Variants in KIF26A observed in about 807,000 individuals in gnomAD.
KIF26A encodes kinesin-like protein KIF26A.
In KIF26A, 74 loss-of-function variants were observed where a neutral mutation model predicts 126.0. The observed-to-expected ratio is 0.59, with a 90% confidence interval of 0.49 to 0.71. The LOEUF is 0.71. KIF26A is among the 30% of genes least tolerant of loss of function. The probability of loss-of-function intolerance (pLI) is 0.00; values close to 1 mark genes in which losing one functional copy is unlikely to be tolerated. For synonymous variants in KIF26A, 1,445 were observed against 1,232.7 expected (o/e 1.17, Z -3.61); for missense variants, 2,984 against 2,763.3 (o/e 1.08, Z -1.79).
At chr14:104,142,364 A>T (rs992157266) in intron 2 of KIF26A, among the ~76,000 whole-genome samples, 8 of 151,286 alleles carry the variant, frequency 5.3e-5, no homozygotes, top group African/African-American at 1.9e-4. Flanking sequence ...CTCTGCTCTC[A>T]CCAGGGTCCT....
In KIF26A at chr14:104,157,743, C is replaced by T. The variant is rs962581253; in HGVS notation, c.736-12C>T. On this transcript the variant is annotated splice_polypyrimidine_tract_variant and intron_variant, in intron 3 of 14. Coordinates refer to ENST00000423312, the MANE Select transcript of KIF26A (RefSeq NM_015656.2). The stretch of plus-strand genomic sequence containing the variant: ...CTTGCGTTCCTTATACGCACTCTCT[C>T]CTTCCCTCCAGGCCGAGGCAGCGGT... 1.2e-6 allele frequency: 2 copies of T among 1,609,312 alleles called. No homozygotes were observed. Among genetic ancestry groups the T allele is most frequent in the African/African-American group, 1.3e-5 (1 of 74,874 alleles).
chr14:104,168,027 G>A (rs1430718245), intron 5 of KIF26A, among the ~76,000 whole-genome samples: 3 of 152,108 alleles, frequency 2.0e-5, no homozygotes, highest in Non-Finnish European at 2.9e-5. Flanking sequence ...CTGGGCCTGG[G>A]GGTGCCACAG....
rs978707341 is a variant in KIF26A, at chr14:104,148,105, C to T, written c.289-3910C>T. Among the ~76,000 whole-genome samples the T allele has an allele frequency of 6.6e-6, 1 of 152,188 alleles. No homozygotes were observed. The highest frequency in any genetic ancestry group is 2.4e-5 in the African/African-American group (1 of 41,440). ...GCTTGGCTGGAGTGGGGAGACTTCTCTCCTGCAGTGACGGGGAGCGGGGAG... is the reference window on the plus strand; with the variant it reads ...GCTTGGCTGGAGTGGGGAGACTTCTTTCCTGCAGTGACGGGGAGCGGGGAG... On this transcript the variant is annotated intron_variant, in intron 2 of 14. Transcript: ENST00000423312. This position sits in a 1 kb window ranked among gnomAD's most constrained non-coding sequence, Gnocchi z 4.3.
At position 104,175,015 on chromosome 14, in the gene KIF26A, T is replaced by C. The variant is rs760755264; in HGVS notation, c.2227T>C (p.Cys743Arg). ...ASSSSGGESSCEEGRARRPPH... is the reference protein window; with the variant it reads ...ASSSSGGESSREEGRARRPPH... ...CAGCTCCTCTGGCGGGGAGAGCTCC[T>C]GTGAGGAAGGCCGGGCCCGTCGGCC... Residue 743 changes from cysteine to arginine, a missense_variant, in exon 12 of 15, where the codon TGT becomes CGT. By Grantham distance (180) the Cys-to-Arg change is radical (BLOSUM62 -3). Coordinates refer to ENST00000423312, the MANE Select transcript of KIF26A (RefSeq NM_015656.2). The C allele has an allele frequency of 3.2e-6, 5 of 1,556,264 alleles. No individual in the cohort carries two copies. The South Asian group carries it at 4.7e-5, about 15-fold the overall frequency.
chr14:104,165,209 C>G (rs111206890), intron 4 of KIF26A, among the ~76,000 whole-genome samples: 5 of 135,864 alleles, frequency 3.7e-5, no homozygotes, highest in Admixed American at 7.2e-5. Context: ...GTGTCTGTGT[C>G]TCTGCATGTG....
chr14:104,141,335 TC>T (rs1651422623), intron 2 of KIF26A, among the ~76,000 whole-genome samples: 1 of 152,246 alleles, frequency 6.6e-6, no homozygotes, highest in Non-Finnish European at 1.5e-5. Context: ...GGGGCCCGTT[TC>T]GTATTTTTTA....
intron 12 of KIF26A, 67 bp from the exon 13 acceptor site, chr14:104,178,483 C>T: frequency 3.2e-6 from 4 of 1,234,412 alleles, no homozygotes; most frequent in Non-Finnish European, 3.2e-6. Context: ...TCCGCAGCGT[C>T]CCCGCAGGGG....
chr14:104,153,740 G>A (rs11622651), intron 3 of KIF26A, among the ~76,000 whole-genome samples: 48,125 of 151,528 alleles, frequency 0.32, 8,464 homozygotes, highest in African/African-American at 0.45. Context: ...GGCCTGTGTG[G>A]AAGCATCAGG....
rs1015860112 is a variant in KIF26A, at chr14:104,176,959, G to C, written c.4171G>C (p.Gly1391Arg). Residue 1391 changes from glycine (G) to arginine (R), a missense_variant, in exon 12 of 15, where the codon GGG becomes CGG. Transcript: ENST00000423312. Reference sequence around the variant, plus strand: ...GCATGCTGTGAACCCGGCGCGGGTCGGGGCTGCTGCTGTCCTTCGAGGGGA... The same window carrying C: ...GCATGCTGTGAACCCGGCGCGGGTCCGGGCTGCTGCTGTCCTTCGAGGGGA... ...PPHAVNPARVGAAAVLRGEEE... is the reference protein window; with the variant it reads ...PPHAVNPARVRAAAVLRGEEE... 1 of 1,534,888 alleles carries C rather than the reference G, an allele frequency of 6.5e-7. No homozygotes were observed. The highest frequency in any genetic ancestry group is 1.4e-5 in the African/African-American group (1 of 72,980).
chr14:104,143,945 G>T (rs1389656055), intron 2 of KIF26A, among the ~76,000 whole-genome samples: 8 of 152,238 alleles, frequency 5.3e-5, no homozygotes, highest in African/African-American at 1.9e-4. Flanking sequence ...TACCAGGAAG[G>T]GCTCTGCTCG....
intron 5 of KIF26A, among the ~76,000 whole-genome samples, chr14:104,168,036 A>G (rs2037923412): frequency 6.6e-6 from 1 of 152,176 alleles, no homozygotes; most frequent in Admixed American, 6.5e-5. Flanking sequence ...GGGGTGCCAC[A>G]GGCCTCTCCC....
chr14:104,175,105 C>T lies in KIF26A; in HGVS notation c.2317C>T (p.Leu773=). 2 of 1,604,382 alleles carry T rather than the reference C, an allele frequency of 1.2e-6. No individual in the cohort carries two copies. Among genetic ancestry groups the T allele is most frequent in the African/African-American group, 2.7e-5 (2 of 74,902 alleles). The change falls in exon 12 of 15, where the codon CTG becomes TTG. Residue 773 remains leucine (L), a synonymous_variant. Transcript: ENST00000423312. The part of the protein sequence containing the change: ...ALDPDRTPPC[L]PGDPDYSSSS... ...GGACCCCGACCGCACGCCTCCCTGCCTGCCCGGTGACCCCGATTACTCCTC... is the reference window on the plus strand; with the variant it reads ...GGACCCCGACCGCACGCCTCCCTGCTTGCCCGGTGACCCCGATTACTCCTC...
At chr14:104,171,023 C>T (rs1299410117) in intron 5 of KIF26A, among the ~76,000 whole-genome samples, 1 of 152,282 alleles carries the variant, frequency 6.6e-6, no homozygotes, top group Non-Finnish European at 1.5e-5. Flanking sequence ...GCCTGCCCCC[C>T]AGCCTCAGTC....
At chr14:104,160,951 C>T (rs1000051232) in intron 4 of KIF26A, among the ~76,000 whole-genome samples, 5 of 152,240 alleles carry the variant, frequency 3.3e-5, no homozygotes, top group South Asian at 2.1e-4. Flanking sequence ...GCAGAGCCCC[C>T]GTGTCAGCCT....
At chr14:104,143,306 G>T (rs1484674012) in intron 2 of KIF26A, among the ~76,000 whole-genome samples, 4 of 152,214 alleles carry the variant, frequency 2.6e-5, no homozygotes, top group Non-Finnish European at 4.4e-5. Context: ...CGAAGCTCCG[G>T]GTGGCCCCTG....
chr14:104,144,765 C>T (rs1046623404), intron 2 of KIF26A, among the ~76,000 whole-genome samples: 8 of 152,192 alleles, frequency 5.3e-5, no homozygotes, highest in African/African-American at 1.9e-4. Flanking sequence ...TTGTTTTTAG[C>T]TTATATTTTG....
intron 5 of KIF26A, 69 bp from the exon 6 acceptor site, chr14:104,171,654 C>T (rs2037957988): frequency 2.2e-6 from 3 of 1,384,714 alleles, no homozygotes; most frequent in East Asian, 5.0e-5. Flanking sequence ...AGCTGGGCCC[C>T]TCCTGCCCTG....
rs752300455 is a variant in KIF26A, at chr14:104,157,903, G to T, written c.884G>T (p.Gly295Val). ...ACCCCCACCCCGGGCTCGGTGGGGG[G>T]CTCCACAGGCCCCTCAGCTGCAGCC... ...LVTPTPGSVG[G>V]STGPSAAASF... Residue 295 changes from glycine (G) to valine (V), a missense_variant, in exon 4 of 15, where the codon GGC becomes GTC. Coordinates refer to ENST00000423312, the MANE Select transcript of KIF26A (RefSeq NM_015656.2). 2 of 1,557,278 alleles carry T rather than the reference G, an allele frequency of 1.3e-6. No homozygotes were observed. Among genetic ancestry groups the T allele is most frequent in the Admixed American group, 1.8e-5 (1 of 54,370 alleles).
intron 2 of KIF26A, among the ~76,000 whole-genome samples, chr14:104,147,342 G>T (rs1206945030): frequency 6.6e-6 from 1 of 152,226 alleles, no homozygotes; most frequent in African/African-American, 2.4e-5. Flanking sequence ...CTGGACTGGC[G>T]CCTGGCACAG....
Sources: gnomAD v4.1 joint callset for allele counts (sites outside exome capture counted in the v4.1 genomes callset) on GRCh38, gnomAD v4.1.1 for gene constraint, Gnocchi (gnomAD v3.1) non-coding constraint, MANE v1.5 for transcripts, NCBI Gene and HGNC (gene_info 2026-07-23, HGNC 2026-07-21) for gene names.